The following RNF213 variants were observed in gnomAD, a reference collection of about 807,000 sequenced individuals.
The protein encoded by RNF213 is E3 ubiquitin-protein ligase RNF213.
In RNF213, 341 loss-of-function variants were observed where a neutral mutation model predicts 514.4. The ratio of observed to expected loss-of-function variants is 0.66; its 90% CI spans 0.61 to 0.73. RNF213 has a LOEUF of 0.73. Ranked by LOEUF, RNF213 falls within the 30% of genes least tolerant of loss-of-function variation. The probability of loss-of-function intolerance (pLI) is 0.00; values close to 1 mark genes in which losing one functional copy is unlikely to be tolerated. For missense variants in RNF213, 5,767 were observed against 6,615.6 expected, an observed-to-expected ratio of 0.87 and a Z score of 4.45; for synonymous variants, 2,655 against 2,658.2, an observed-to-expected ratio of 1.00 and a Z score of 0.04.
chr17:80,319,610 G>T, intron 17 of RNF213: 2 of 1,543,990 alleles, frequency 1.3e-6, no homozygotes, highest in Non-Finnish European at 1.7e-6. Context: ...TCCTCAGATG[G>T]CCCTGTCATC....
chr17:80,284,036 A>G (rs1356675053), intron 3 of RNF213, among the ~76,000 whole-genome samples: 3 of 151,790 alleles, frequency 2.0e-5, no homozygotes, highest in Non-Finnish European at 4.4e-5. Context: ...CTAGCTGGCC[A>G]ACATGGTGAA....
At chr17:80,319,388 A>T (rs762914941) in intron 17 of RNF213, 76 bp downstream of exon 17, 1 of 1,614,174 alleles carries the variant, frequency 6.2e-7, no homozygotes, top group Non-Finnish European at 8.5e-7. Flanking sequence ...AAGGGCTATG[A>T]AGCACCCGCT....
In RNF213 at chr17:80,393,507, C is replaced by T. The variant is rs768954044; in HGVS notation, c.*9C>T. The T allele has an allele frequency of 1.1e-5, 17 of 1,613,808 alleles. No individual in the cohort carries two copies. The South Asian group carries it at 1.6e-4, about 16-fold the overall frequency. On this transcript the variant is annotated 3_prime_UTR_variant, in exon 68 of 68. Coordinates refer to ENST00000582970, the MANE Select transcript of RNF213 (RefSeq NM_001256071.3). ...ATCGAGAAATGAGATAGAATTATTTCCTCAGCTATCTTTGGATGACTTTGG... is the reference window on the plus strand; with the variant it reads ...ATCGAGAAATGAGATAGAATTATTTTCTCAGCTATCTTTGGATGACTTTGG...
At position 80,372,547 on chromosome 17, in the gene RNF213, T is replaced by TTAC. The variant is rs780889458; in HGVS notation, c.12566_12568dup (p.Tyr4189dup). The TTAC allele has an allele frequency of 6.2e-7, 1 of 1,613,762 alleles. No homozygotes were observed. The highest frequency in any genetic ancestry group is 8.5e-7 in the Non-Finnish European group (1 of 1,179,814). On this transcript the variant is annotated inframe_insertion, in exon 48 of 68. Transcript: ENST00000582970. ...ATTCAATACTTGAGAAGACCAGTGCTTACTCCAGAAATGATGAACTGAACC... is the reference window on the plus strand; with the variant it reads ...ATTCAATACTTGAGAAGACCAGTGCTTACTACTCCAGAAATGATGAACTGAACC...
chr17:80,297,632 A>G (rs376053120), intron 10 of RNF213, among the ~76,000 whole-genome samples: 3 of 147,584 alleles, frequency 2.0e-5, no homozygotes, highest in African/African-American at 7.5e-5. Flanking sequence ...CAAAAAATAC[A>G]AAAAACTAGC....
chr17:80,277,595 C>CAAAA (rs34659718), intron 3 of RNF213, among the ~76,000 whole-genome samples: 5 of 69,714 alleles, frequency 7.2e-5, no homozygotes, highest in African/African-American at 1.1e-4. Context: ...GACTCTGTCT[C>CAAAA]AAAAAAAAAA....
At chr17:80,284,462 T>C (rs139368915) in intron 3 of RNF213, among the ~76,000 whole-genome samples, 328 of 151,942 alleles carry the variant, frequency 2.2e-3, no homozygotes, top group African/African-American at 7.3e-3. Context: ...GAGAATGGCA[T>C]GAACCCGGGA....
chr17:80,262,686 A>G (rs577531725), intron 1 of RNF213, among the ~76,000 whole-genome samples: 1 of 152,306 alleles, frequency 6.6e-6, no homozygotes, highest in Admixed American at 6.5e-5. Context: ...AGCCATCTCA[A>G]AATTGACCAC....
intron 11 of RNF213, among the ~76,000 whole-genome samples, chr17:80,300,751 C>A (rs1424643986): frequency 1.3e-5 from 2 of 152,136 alleles, no homozygotes; most frequent in East Asian, 3.9e-4. Flanking sequence ...GGGGTTTCAC[C>A]ATGTTGGCCA....
chr17:80,368,901 C>G (rs960665091), intron 44 of RNF213, among the ~76,000 whole-genome samples: 5 of 152,196 alleles, frequency 3.3e-5, no homozygotes, highest in Non-Finnish European at 5.9e-5. Flanking sequence ...TCCCCTTCCC[C>G]CCTTCTCAGG....
chr17:80,323,877 G>C (rs1160059908), intron 17 of RNF213, among the ~76,000 whole-genome samples: 4 of 150,864 alleles, frequency 2.7e-5, no homozygotes, highest in South Asian at 4.2e-4. Flanking sequence ...TCTGAATTCT[G>C]TTTCCAGATT....
At chr17:80,276,577 G>A (rs1253166950) in intron 3 of RNF213, among the ~76,000 whole-genome samples, 1 of 152,054 alleles carries the variant, frequency 6.6e-6, no homozygotes. Flanking sequence ...AGGCGCGGTG[G>A]CTCACTGGGT....
rs1568123395 is a variant in RNF213, at chr17:80,355,614, TGAGTGG to T, written c.10862+1041_10862+1046del. On this transcript the variant is annotated intron_variant, in intron 36 of 67. Transcript: ENST00000582970. ...GGGGCTTACAGGGGAAGAAGCGGGG[TGAGTGG>T]GAATGGGGGCTTACAGGGGAAGAAG... Among the ~76,000 whole-genome samples the T allele has an allele frequency of 9.2e-5, 2 of 21,744 alleles. 1 individual carries two copies. Among genetic ancestry groups the T allele is most frequent in the African/African-American group, 4.7e-4 (2 of 4,242 alleles). 14.3% of individuals were successfully genotyped at this position (21,744 alleles called of 152,430 possible).
chr17:80,349,881 G>A lies in RNF213; in HGVS notation c.10063G>A (p.Glu3355Lys), dbSNP rs753076389. The A allele has an allele frequency of 8.7e-6, 14 of 1,613,938 alleles. No homozygotes were observed. The Admixed American group carries it at 1.2e-4, about 13-fold the overall frequency. ...TLLWLQQFDT[E>K]YSFLKEVRNC... ...CCTGTGGCTGCAGCAGTTTGACACC[G>A]AGTACTCATTCCTCAAAGAAGTCCG... Residue 3355 changes from glutamate (E) to lysine (K), a missense_variant, in exon 30 of 68, where the codon GAG becomes AAG. Glu to Lys is a moderately conservative substitution (Grantham distance 56). Coordinates refer to ENST00000582970, the MANE Select transcript of RNF213 (RefSeq NM_001256071.3).
At chr17:80,289,865 G>C (rs747001217) in intron 6 of RNF213, 28 bp downstream of exon 6, 2 of 1,591,064 alleles carry the variant, frequency 1.3e-6, no homozygotes, top group Non-Finnish European at 1.7e-6. Context: ...GGGGAGCAAA[G>C]GAGACCCTGC....
chr17:80,385,661 G>A (rs1218296494), intron 61 of RNF213, 40 bp downstream of exon 61: 7 of 1,556,452 alleles, frequency 4.5e-6, no homozygotes, highest in Middle Eastern at 3.4e-4. Flanking sequence ...CGTTCCAGGA[G>A]AGCCTCGTCT....
chr17:80,289,798 A>T lies in RNF213; in HGVS notation c.1073A>T (p.Gln358Leu), dbSNP rs776230866. The change falls in exon 6 of 68, where the codon CAA (glutamine) becomes CTA (leucine). Residue 358 changes from glutamine to leucine, a missense_variant. Around this residue, in one of 13 missense-constraint regions of RNF213, gnomAD observed 509 missense variants for 496.7 expected, o/e 1.02. Coordinates refer to ENST00000582970, the MANE Select transcript of RNF213 (RefSeq NM_001256071.3). ...SAAAVKNEKE[Q>L]KNQEADVQEV... is the part of the protein sequence containing the mutation. ...GCTGCTGTGAAAAACGAGAAGGAGC[A>T]AAAAAACCAGGAAGCAGATGTCCAG... 1 of 1,612,564 alleles carries T rather than the reference A, an allele frequency of 6.2e-7. No homozygotes were observed. Among genetic ancestry groups the T allele is most frequent in the South Asian group, 1.1e-5 (1 of 90,938 alleles).
At chr17:80,278,662 C>G (rs2044153979) in intron 3 of RNF213, 1 of 1,438,776 alleles carries the variant, frequency 7.0e-7, no homozygotes, top group African/African-American at 1.4e-5. Flanking sequence ...CTGGGCCTTC[C>G]CAAGAGGAGG....
rs758689243 is a variant in RNF213, at chr17:80,376,480, G to A, written c.13365G>A (p.Leu4455=). ...EMAIHAAAVL[L]CGQNELLEPL... is the part of the protein sequence containing the mutation. The stretch of plus-strand genomic sequence containing the variant: ...CCATTCATGCTGCAGCCGTCCTTCT[G>A]TGTGGACAGAATGAACTCTTGGAGC... Residue 4455 remains leucine, a synonymous_variant, in exon 52 of 68, where the codon CTG becomes CTA. Coordinates refer to ENST00000582970, the MANE Select transcript of RNF213 (RefSeq NM_001256071.3). 1.9e-6 allele frequency: 3 copies of A among 1,614,176 alleles called. No individual in the cohort carries two copies. The highest frequency in any genetic ancestry group is 2.5e-6 in the Non-Finnish European group (3 of 1,180,028).
Sources: gnomAD v4.1 joint callset for allele counts (sites outside exome capture counted in the v4.1 genomes callset) on GRCh38, gnomAD v4.1.1 for gene constraint, gnomAD v4.1.1 regional missense constraint, MANE v1.5 for transcripts, NCBI Gene and HGNC (gene_info 2026-07-23, HGNC 2026-07-21) for gene names.